The following RBFOX1 variants were observed in gnomAD, a reference collection of about 807,000 sequenced individuals.
RBFOX1 encodes the protein RNA binding protein fox-1 homolog 1.
Under a neutral mutation model 57.7 loss-of-function variants are expected in RBFOX1, and 8 were observed. The ratio of observed to expected loss-of-function variants is 0.14; its 90% CI spans 0.08 to 0.25. The LOEUF (loss-of-function observed/expected upper bound fraction) is 0.25, where lower values mean the gene tolerates loss of function less well. RBFOX1 is among the 10% of genes least tolerant of loss of function. The pLI is 1.00. For missense variants in RBFOX1, 611 were observed against 548.5 expected, an observed-to-expected ratio of 1.11 and a Z score of -1.14; for synonymous variants, 326 against 222.4, an observed-to-expected ratio of 1.47 and a Z score of -4.15.
intron 4 of RBFOX1, among the ~76,000 whole-genome samples, chr16:7,056,173 C>T (rs548650896): frequency 1.2e-4 from 18 of 152,204 alleles, no homozygotes; most frequent in African/African-American, 3.9e-4. Flanking sequence ...GCTTCCTGTC[C>T]CCTACCCTTC....
intron 3 of RBFOX1, among the ~76,000 whole-genome samples, chr16:7,010,655 C>T (rs955756290): frequency 2.0e-5 from 3 of 152,076 alleles, no homozygotes; most frequent in African/African-American, 7.2e-5. Context: ...GTACCGCCTC[C>T]TGGGTTCAAG....
chr16:7,111,465 T>G (rs1052575286), intron 4 of RBFOX1, among the ~76,000 whole-genome samples: 3 of 152,202 alleles, frequency 2.0e-5, no homozygotes, highest in Non-Finnish European at 4.4e-5. Flanking sequence ...CCTTTGATTA[T>G]ATTACATTTT....
intron 4 of RBFOX1, among the ~76,000 whole-genome samples, chr16:7,075,872 G>A (rs918272326): frequency 1.3e-5 from 2 of 149,664 alleles, no homozygotes; most frequent in Non-Finnish European, 3.0e-5. Flanking sequence ...GAGCCACCGC[G>A]CCCGGCCTGG....
intron 14 of RBFOX1, among the ~76,000 whole-genome samples, chr16:7,682,545 GT>G (rs113114330): frequency 0.018 from 2,425 of 136,498 alleles, 22 homozygotes; most frequent in Non-Finnish European, 0.026. Flanking sequence ...CTTGGTTTTA[GT>G]TTTTTTTTTT....
chr16:6,220,067 AATGT>A (rs1199839539), intron 1 of RBFOX1, among the ~76,000 whole-genome samples: 19 of 152,148 alleles, frequency 1.2e-4, no homozygotes, highest in African/African-American at 4.1e-4. Context: ...TGAATATATA[AATGT>A]ATTTATCTAT....
intron 3 of RBFOX1, among the ~76,000 whole-genome samples, chr16:6,890,542 C>T (rs1052813864): frequency 6.6e-6 from 1 of 152,000 alleles, no homozygotes; most frequent in Non-Finnish European, 1.5e-5. Context: ...AAAACCAAAC[C>T]CAAAGAATGT....
At chr16:5,843,686 G>A (rs1184019254) in intron 3 of RBFOX1, among the ~76,000 whole-genome samples, 1 of 152,206 alleles carries the variant, frequency 6.6e-6, no homozygotes, top group African/African-American at 2.4e-5. Flanking sequence ...AGGTAGCCAT[G>A]TTATAGATGA....
chr16:7,011,792 G>T (rs2093665764), intron 3 of RBFOX1, among the ~76,000 whole-genome samples: 1 of 152,204 alleles, frequency 6.6e-6, no homozygotes, highest in Admixed American at 6.5e-5. Context: ...GGGATTACAG[G>T]CGTGAGCCGC....
intron 4 of RBFOX1, among the ~76,000 whole-genome samples, chr16:7,436,989 G>C (rs1183141105): frequency 2.0e-5 from 3 of 152,172 alleles, no homozygotes; most frequent in African/African-American, 7.2e-5. Flanking sequence ...GCTGAGGTAG[G>C]AGAATCTCTT....
At chr16:5,957,204 A>AT (rs1215736275) in intron 4 of RBFOX1, among the ~76,000 whole-genome samples, 2 of 151,680 alleles carry the variant, frequency 1.3e-5, no homozygotes, top group African/African-American at 2.4e-5. Context: ...GAAACAATTT[A>AT]TTTTTTTTCT....
chr16:6,100,577 G>C (rs936597012), intron 1 of RBFOX1, among the ~76,000 whole-genome samples: 2 of 152,184 alleles, frequency 1.3e-5, no homozygotes, highest in African/African-American at 2.4e-5. Flanking sequence ...AGTTCAAGAT[G>C]ATCAGTTTGG....
intron 3 of RBFOX1, among the ~76,000 whole-genome samples, chr16:6,740,126 T>C (rs143935116): frequency 9.8e-5 from 15 of 152,328 alleles, no homozygotes; most frequent in Admixed American, 4.6e-4. Context: ...TGAAAATCAA[T>C]TGATGTTATT....
chr16:7,413,204 C>T (rs1893758003), intron 4 of RBFOX1, among the ~76,000 whole-genome samples: 1 of 152,064 alleles, frequency 6.6e-6, no homozygotes, highest in African/African-American at 2.4e-5. Flanking sequence ...CAGGACACAC[C>T]ATTGAGACAC....
At chr16:6,988,865 G>A (rs2090907553) in intron 3 of RBFOX1, among the ~76,000 whole-genome samples, 1 of 151,504 alleles carries the variant, frequency 6.6e-6, no homozygotes, top group South Asian at 2.1e-4. Flanking sequence ...TCTCCCTCCT[G>A]GGTTCAGTGA....
rs1433699354 is a variant in RBFOX1 at position 7,711,189 on chromosome 16, GAGGGGCTT to G, written c.*450_*457del. On this transcript the variant is annotated 3_prime_UTR_variant, in exon 16 of 16. Coordinates refer to ENST00000550418, the MANE Select transcript of RBFOX1 (RefSeq NM_018723.4). The stretch of plus-strand genomic sequence containing the variant: ...TTTATTTTGCGAAAGGGGAGGTTGG[GAGGGGCTT>G]AGGGGATTGGAACTGGGGTTTGGCT... The G allele has an allele frequency of 6.6e-6, 1 of 152,006 alleles. No individual in the cohort carries two copies. The highest frequency in any genetic ancestry group is 1.5e-5 in the Non-Finnish European group (1 of 68,166). The allele number at this position is 152,006 out of a possible 1,614,324, so 9.4% of individuals were successfully genotyped here. A position where few individuals can be genotyped will look rare whatever the true frequency, so the allele number is the denominator to read the frequency against.
intron 1 of RBFOX1, among the ~76,000 whole-genome samples, chr16:5,302,870 T>G (rs1174233239): frequency 2.6e-5 from 4 of 152,252 alleles, no homozygotes; most frequent in African/African-American, 9.6e-5. Flanking sequence ...ATCTTGCTTT[T>G]TTTGGTTTAA....
rs561670233 is a variant in RBFOX1, at chr16:6,804,331, G to C, written c.-16+149681G>C. 5.9e-5 allele frequency among the ~76,000 whole-genome samples: 9 copies of C among 152,098 alleles called. No homozygotes were observed. In the South Asian group the frequency reaches 1.9e-3, roughly 32 times the overall value. On this transcript the variant is annotated intron_variant, in intron 3 of 15. Transcript: ENST00000550418. ...CCAATACATACAAATTTTAACTCCA[G>C]GGTAAATTGATAAGACTTCTTCCTT...
At chr16:6,299,296 C>T (rs143306922) in intron 1 of RBFOX1, among the ~76,000 whole-genome samples, 72 of 152,296 alleles carry the variant, frequency 4.7e-4, no homozygotes, top group East Asian at 1.9e-3. Flanking sequence ...AATGTGATAA[C>T]CATGTTATTT....
chr16:6,599,201 C>T (rs754754114), intron 2 of RBFOX1, among the ~76,000 whole-genome samples: 2 of 151,960 alleles, frequency 1.3e-5, no homozygotes, highest in East Asian at 1.9e-4. Flanking sequence ...CATCCAAAGA[C>T]GTGTTGCAAA....
Sources: allele counts gnomAD v4.1 joint callset (sites outside exome capture counted in the v4.1 genomes callset), GRCh38; gene constraint gnomAD v4.1.1; transcripts MANE v1.5; gene names NCBI Gene and HGNC (gene_info 2026-07-23, HGNC 2026-07-21).